Variants in HARS1 observed in about 807,000 individuals in gnomAD.
The protein encoded by HARS1 is histidyl-tRNA synthetase 1, also known as histidine--tRNA ligase, cytoplasmic.
A neutral mutation model predicts 63.6 loss-of-function variants in HARS1; 45 were observed. The ratio of observed to expected loss-of-function variants is 0.71; its 90% CI spans 0.56 to 0.91. HARS1 has a LOEUF of 0.91. HARS1 is among the 40% of genes least tolerant of loss of function. The pLI is 0.00. For missense variants in HARS1, 508 were observed against 643.2 expected, an observed-to-expected ratio of 0.79 and a Z score of 2.27; for synonymous variants, 205 against 247.1, an observed-to-expected ratio of 0.83 and a Z score of 1.60.
chr5:140,684,774 A>C (rs1415417853), intron 2 of HARS1: 1 of 152,250 alleles, frequency 6.6e-6, no homozygotes, highest in Non-Finnish European at 1.5e-5. Flanking sequence ...CAAAAATTTT[A>C]AAATATTTAT....
intron 2 of HARS1, among the ~76,000 whole-genome samples, chr5:140,685,719 C>CAA (rs60936249): frequency 0.2 from 23,003 of 115,880 alleles, 2,217 homozygotes; most frequent in East Asian, 0.33. Context: ...GACTCTGTCT[C>CAA]AAAAAAAAAA....
In HARS1 at chr5:140,674,842, C is replaced by T. The variant is rs1281910670; in HGVS notation, c.1312-17G>A. On this transcript the variant is annotated splice_polypyrimidine_tract_variant and intron_variant, in intron 11 of 12. Transcript: ENST00000504156. ...CAGCTCAGCCTGCAGGGGACAAGAG[C>T]AGAAGATGAAGGCTGGCTTCTGCTG... is the stretch of plus-strand genomic sequence containing the variant. 1 of 1,613,880 alleles carries T rather than the reference C, an allele frequency of 6.2e-7. No individual in the cohort carries two copies. The highest frequency in any genetic ancestry group is 8.5e-7 in the Non-Finnish European group (1 of 1,179,744).
At chr5:140,682,819 T>G in intron 3 of HARS1, 1 of 302,964 alleles carries the variant, frequency 3.3e-6, no homozygotes, top group Non-Finnish European at 6.1e-6. Context: ...CTAGAAAACA[T>G]TCCAAGTACA....
rs1131039 is a variant in HARS1 at position 140,677,748 on chromosome 5, G to A, written c.636C>T (p.Asn212=). 3.1e-6 allele frequency: 5 copies of A among 1,606,434 alleles called. No individual in the cohort carries two copies. The highest frequency in any genetic ancestry group is 2.2e-5 in the East Asian group (1 of 44,810). ...LQIGDFLVKV[N]DRRILDGMFA... is the part of the protein sequence containing the mutation. Reference sequence around the variant, plus strand: ...ACATCCCATCTAGAATGCGTCGATCGTTTACCTGCAAGGAACCAATGCATA... The same window carrying A: ...ACATCCCATCTAGAATGCGTCGATCATTTACCTGCAAGGAACCAATGCATA... The change falls in exon 7 of 13, where the codon AAC becomes AAT. Residue 212 remains asparagine, a synonymous_variant. Transcript: ENST00000504156.
intron 2 of HARS1, among the ~76,000 whole-genome samples, chr5:140,688,713 A>C (rs1439529915): frequency 2.0e-5 from 3 of 151,338 alleles, no homozygotes; most frequent in Admixed American, 1.3e-4. Context: ...TTTTTATTTT[A>C]AAAAGGTCAT....
intron 2 of HARS1, chr5:140,683,590 G>A (rs927851934): frequency 7.6e-6 from 5 of 657,126 alleles, no homozygotes; most frequent in South Asian, 5.4e-5. Flanking sequence ...CCAGCACTTC[G>A]GGAGGCCAAG....
chr5:140,678,154 G>A (rs1758504532), intron 5 of HARS1, 139 bp from the exon 6 acceptor site: 1 of 621,654 alleles, frequency 1.6e-6, no homozygotes, highest in Admixed American at 2.7e-5. Context: ...TCAGCCCAGA[G>A]GTAAACCCCG....
intron 10 of HARS1, 174 bp from the exon 11 acceptor site, chr5:140,675,307 AACTG>A: frequency 1.7e-6 from 1 of 601,642 alleles, no homozygotes; most frequent in Non-Finnish European, 3.0e-6. Context: ...ATGAGGACTG[AACTG>A]ACTGACTTGT....
chr5:140,680,946 T>C (rs1052255543), intron 3 of HARS1, among the ~76,000 whole-genome samples: 1 of 151,734 alleles, frequency 6.6e-6, no homozygotes, highest in African/African-American at 2.4e-5. Flanking sequence ...CTACTAGGAA[T>C]AGGTTATCAG....
In HARS1 at chr5:140,691,336, C is replaced by T. The variant is rs764345214; in HGVS notation, c.-32G>A. 6.5e-7 allele frequency: 1 copy of T among 1,541,468 alleles called. No individual in the cohort carries two copies. Among genetic ancestry groups the T allele is most frequent in the South Asian group, 1.2e-5 (1 of 86,864 alleles). ...TGTCCACTTGAGCCGCCTGCTGTCT[C>T]GACCTGCGGTGGTTGCCCCAGCCTC... On this transcript the variant is annotated 5_prime_UTR_variant, in exon 1 of 13. Coordinates refer to ENST00000504156, the MANE Select transcript of HARS1 (RefSeq NM_002109.6).
At chr5:140,684,557 G>T in intron 2 of HARS1, 1 of 277,700 alleles carries the variant, frequency 3.6e-6, no homozygotes, top group Non-Finnish European at 5.5e-6. Flanking sequence ...ATGTTGAGAA[G>T]TTAAGTCATT....
In HARS1 at chr5:140,676,938, G is replaced by T. The variant is rs1225997519; in HGVS notation, c.952-42C>A. ...ATGGTCAGTGCCAGATTAAGATCAG[G>T]GACCTGAAGCCCCAGAGCTCAGAAG... On this transcript the variant is annotated intron_variant, in intron 9 of 12. Transcript: ENST00000504156. The surrounding 1 kb of genome is among the most constrained non-coding windows in gnomAD (Gnocchi z 4.1). 1 of 1,613,682 alleles carries T rather than the reference G, an allele frequency of 6.2e-7. No individual in the cohort carries two copies. The highest frequency in any genetic ancestry group is 2.2e-5 in the East Asian group (1 of 44,882).
In HARS1 at chr5:140,677,772, T is replaced by A; in HGVS notation, c.631-19A>T. On this transcript the variant is annotated intron_variant, in intron 6 of 12. Coordinates refer to ENST00000504156, the MANE Select transcript of HARS1 (RefSeq NM_002109.6). ...CGTTTACCTGCAAGGAACCAATGCA[T>A]AGTGAGGGGGGAATCTCTTTTCTTA... 1 of 1,527,680 alleles carries A rather than the reference T, an allele frequency of 6.5e-7. No homozygotes were observed. The highest frequency in any genetic ancestry group is 9.1e-7 in the Non-Finnish European group (1 of 1,102,488). The allele number at this position is 1,527,680 out of a possible 1,614,324, so 94.6% of individuals were successfully genotyped here.
intron 1 of HARS1, 88 bp from the exon 2 acceptor site, chr5:140,691,032 C>G: frequency 1.0e-6 from 1 of 972,158 alleles, no homozygotes. Flanking sequence ...CTCATCACAT[C>G]TCTCTGCTCA....
At position 140,674,680 on chromosome 5, in the gene HARS1, T is replaced by G. The variant is rs1758249436; in HGVS notation, c.1457A>C (p.Glu486Ala). ...IKLRSVTSRE[E>A]VDVRREDLVE... ...AGCCTTCCTGCCCACCTCCCTCACC[T>G]CTTCCCTGCTCGTCACTGAACGGAG... is the stretch of plus-strand genomic sequence containing the variant. The change falls in exon 12 of 13, where the codon GAG (glutamate) becomes GCG (alanine). Residue 486 changes from glutamate to alanine, a missense_variant and splice_region_variant. Coordinates refer to ENST00000504156, the MANE Select transcript of HARS1 (RefSeq NM_002109.6). 2 of 1,614,070 alleles carry G rather than the reference T, an allele frequency of 1.2e-6. No individual in the cohort carries two copies. Among genetic ancestry groups the G allele is most frequent in the African/African-American group, 2.7e-5 (2 of 74,922 alleles).
rs1758196992 is a variant in HARS1 at position 140,674,066 on chromosome 5, G to A, written c.*191C>T. 3.0e-6 allele frequency: 2 copies of A among 662,036 alleles called. No homozygotes were observed. The highest frequency in any genetic ancestry group is 4.4e-5 in the Admixed American group (2 of 45,928). 41.0% of individuals were successfully genotyped at this position (662,036 alleles called of 1,614,324 possible). On this transcript the variant is annotated 3_prime_UTR_variant, in exon 13 of 13. Coordinates refer to ENST00000504156, the MANE Select transcript of HARS1 (RefSeq NM_002109.6). ...CTCCTGGGCCTTGTATGAAAAAGGT[G>A]TTGTACCTGGCCGTTTTTGCCAGTA...
In HARS1 at chr5:140,681,080, T is replaced by G. The variant is rs1758704157; in HGVS notation, c.301-1197A>C. On this transcript the variant is annotated intron_variant, in intron 3 of 12. Transcript: ENST00000504156. ...GTGATGTCTATCATCGGTAATAGCA[T>G]ATTTCACTTACCAGGTTGGCAAAGA... Among the ~76,000 whole-genome samples, 3 of 152,106 alleles carry G rather than the reference T, an allele frequency of 2.0e-5. No homozygotes were observed. The South Asian group carries it at 6.2e-4, about 32-fold the overall frequency.
In HARS1 at chr5:140,677,908, C is replaced by T. The variant is rs202162444; in HGVS notation, c.630G>A (p.Lys210=). 1.3e-6 allele frequency: 2 copies of T among 1,597,508 alleles called. No homozygotes were observed. The highest frequency in any genetic ancestry group is 2.7e-5 in the African/African-American group (2 of 74,600). The change falls in exon 6 of 13, where the codon AAG becomes AAA. Residue 210 remains lysine (K), a splice_region_variant and synonymous_variant. Coordinates refer to ENST00000504156, the MANE Select transcript of HARS1 (RefSeq NM_002109.6). ...CCCTCCCAGCCTTGTCAGCTCTGAC[C>T]TTGACCAGGAAGTCGCCTATCTGAA... The part of the protein sequence containing the change: ...SSLQIGDFLV[K]VNDRRILDGM...
At chr5:140,674,544 C>G (rs1561999812) in intron 12 of HARS1, 135 bp downstream of exon 12, 1 of 1,007,920 alleles carries the variant, frequency 9.9e-7, no homozygotes, top group East Asian at 2.4e-5. Flanking sequence ...ACCACAGTAA[C>G]AGGTTAAGCC....
Sources: allele counts gnomAD v4.1 joint callset (sites outside exome capture counted in the v4.1 genomes callset), GRCh38; gene constraint gnomAD v4.1.1; non-coding constraint Gnocchi (gnomAD v3.1); transcripts MANE v1.5; gene names NCBI Gene and HGNC (gene_info 2026-07-23, HGNC 2026-07-21).